The following DIP2B variants were observed in gnomAD, a reference collection of about 807,000 sequenced individuals.
DIP2B encodes the protein DIP2 acetate--CoA ligase B (putative).
A neutral mutation model predicts 198.0 loss-of-function variants in DIP2B; 76 were observed. The ratio of observed to expected loss-of-function variants is 0.38; its 90% CI spans 0.32 to 0.46. The LOEUF is 0.46. Ranked by LOEUF, DIP2B falls within the 20% of genes least tolerant of loss-of-function variation. DIP2B has a pLI of 0.99. For missense variants in DIP2B, 1,559 were observed against 1,978.4 expected (o/e 0.79, Z 4.02); for synonymous variants, 701 against 739.1 (o/e 0.95, Z 0.84).
chr12:50,718,091 G>T (rs1281737276), intron 23 of DIP2B, among the ~76,000 whole-genome samples: 2 of 149,270 alleles, frequency 1.3e-5, no homozygotes, highest in Non-Finnish European at 3.0e-5. Context: ...GTAGAGAAGG[G>T]ATTTCACCAT....
chr12:50,744,318 C>T (rs1026657312), intron 37 of DIP2B, among the ~76,000 whole-genome samples: 1 of 151,994 alleles, frequency 6.6e-6, no homozygotes, highest in African/African-American at 2.4e-5. Context: ...CTTTAAATTC[C>T]ACTTTCAAAC....
chr12:50,638,489 C>T (rs945230230), intron 2 of DIP2B, among the ~76,000 whole-genome samples: 8 of 152,194 alleles, frequency 5.3e-5, no homozygotes, highest in Admixed American at 1.3e-4. Context: ...GAAGTATCTG[C>T]ATAGTCTACA....
intron 12 of DIP2B, among the ~76,000 whole-genome samples, chr12:50,690,738 A>G (rs1229980072): frequency 6.6e-6 from 1 of 152,098 alleles, no homozygotes; most frequent in Non-Finnish European, 1.5e-5. Flanking sequence ...TATTTATTTG[A>G]TATTGTGTTT....
chr12:50,702,633 G>C (rs1438201753), intron 19 of DIP2B, among the ~76,000 whole-genome samples: 1 of 149,022 alleles, frequency 6.7e-6, no homozygotes, highest in Non-Finnish European at 1.5e-5. Context: ...TGACACGGGG[G>C]ATCACATGGG....
chr12:50,709,531 G>C (rs1450946636), intron 22 of DIP2B, among the ~76,000 whole-genome samples: 1 of 151,936 alleles, frequency 6.6e-6, no homozygotes. Flanking sequence ...CCAGCTACTC[G>C]GGAGGCTGAG....
intron 1 of DIP2B, among the ~76,000 whole-genome samples, chr12:50,600,099 A>G (rs1383623163): frequency 6.6e-6 from 1 of 152,248 alleles, no homozygotes; most frequent in Non-Finnish European, 1.5e-5. Flanking sequence ...AACTATTTTC[A>G]TGATGGTAAG....
At chr12:50,694,365 G>A (rs528450971) in intron 14 of DIP2B, among the ~76,000 whole-genome samples, 45 of 152,074 alleles carry the variant, frequency 3.0e-4, no homozygotes, top group Non-Finnish European at 2.2e-4. Context: ...ACATTGTGGC[G>A]CACACCTGTA....
In DIP2B at chr12:50,734,160, C is replaced by T. The variant is rs778692223; in HGVS notation, c.4007C>T (p.Thr1336Ile). The change falls in exon 33 of 38, where the codon ACT (threonine) becomes ATT (isoleucine). Residue 1336 changes from threonine to isoleucine, a missense_variant. By Grantham distance (89) the Thr-to-Ile change is moderately conservative. Transcript: ENST00000301180. ...GGAACCTCAGGGCCTGATCCGACTA[C>T]TGTGTATGTGGATCTGAAATCACTA... ...LQGTSGPDPT[T>I]VYVDLKSLRH... 7.4e-6 allele frequency: 12 copies of T among 1,614,078 alleles called. No individual in the cohort carries two copies. Among genetic ancestry groups the T allele is most frequent in the Non-Finnish European group, 8.5e-6 (10 of 1,180,044 alleles).
intron 29 of DIP2B, 112 bp downstream of exon 29, chr12:50,727,924 G>A (rs944818790): frequency 4.8e-6 from 4 of 829,054 alleles, no homozygotes; most frequent in African/African-American, 1.7e-5. Context: ...GGTAGGCAGA[G>A]TGAAGATCTA....
intron 1 of DIP2B, among the ~76,000 whole-genome samples, chr12:50,614,830 C>T (rs975197321): frequency 2.0e-5 from 3 of 152,222 alleles, no homozygotes; most frequent in Non-Finnish European, 4.4e-5. Flanking sequence ...CCTGCTTTTG[C>T]GATCCCCATG....
intron 35 of DIP2B, among the ~76,000 whole-genome samples, chr12:50,738,903 A>G (rs2139605805): frequency 6.6e-6 from 1 of 152,364 alleles, no homozygotes; most frequent in East Asian, 1.9e-4. Flanking sequence ...CTGTCACATA[A>G]TGATTCTTAG....
intron 1 of DIP2B, among the ~76,000 whole-genome samples, chr12:50,564,011 C>G (rs1958542660): frequency 6.6e-6 from 1 of 152,130 alleles, no homozygotes; most frequent in African/African-American, 2.4e-5. Flanking sequence ...TTTTTTACCT[C>G]CACTTTCCAC....
At chr12:50,729,564 AG>A (rs1939999423) in intron 30 of DIP2B, among the ~76,000 whole-genome samples, 1 of 152,088 alleles carries the variant, frequency 6.6e-6, no homozygotes, top group Non-Finnish European at 1.5e-5. Context: ...ATGAGCCAAG[AG>A]TTTAAGCTTT....
At chr12:50,678,567 T>G in intron 7 of DIP2B, 112 bp from the exon 8 acceptor site, 4 of 1,200,710 alleles carry the variant, frequency 3.3e-6, no homozygotes, top group Non-Finnish European at 4.7e-6. Context: ...TCAAAGTGAG[T>G]TTAAACCAGG....
chr12:50,686,715 CT>C, intron 12 of DIP2B, 33 bp downstream of exon 12: 1 of 1,589,708 alleles, frequency 6.3e-7, no homozygotes, highest in South Asian at 1.1e-5. Context: ...TGCTTTCAGG[CT>C]TTTCCTTGGG....
At chr12:50,640,914 A>T in intron 3 of DIP2B, 62 bp downstream of exon 3, 2 of 1,546,788 alleles carry the variant, frequency 1.3e-6, no homozygotes, top group Non-Finnish European at 8.7e-7. Flanking sequence ...TGAACTGTGT[A>T]TCCTGAGAGC....
At chr12:50,574,982 C>T (rs1023347554) in intron 1 of DIP2B, among the ~76,000 whole-genome samples, 4 of 152,202 alleles carry the variant, frequency 2.6e-5, no homozygotes, top group African/African-American at 9.6e-5. Context: ...ACTTAGTTTT[C>T]TGTTGTCCTT....
chr12:50,727,597 A>T, intron 28 of DIP2B, 106 bp from the exon 29 acceptor site: 1 of 971,502 alleles, frequency 1.0e-6, no homozygotes, highest in Non-Finnish European at 1.6e-6. Flanking sequence ...CCTAAGCTTT[A>T]GCAAATCTGC....
intron 1 of DIP2B, among the ~76,000 whole-genome samples, chr12:50,511,705 T>A (rs1038228385): frequency 1.3e-5 from 2 of 151,728 alleles, no homozygotes; most frequent in African/African-American, 4.8e-5. Flanking sequence ...ATCCCAGCAC[T>A]TTGGGAGGCC....
Sources: gnomAD v4.1 joint callset for allele counts (sites outside exome capture counted in the v4.1 genomes callset) on GRCh38, gnomAD v4.1.1 for gene constraint, MANE v1.5 for transcripts, NCBI Gene and HGNC (gene_info 2026-07-23, HGNC 2026-07-21) for gene names.